Variants in SLTM observed in about 807,000 individuals in gnomAD.
SLTM encodes the protein SAFB like transcription modulator.
In SLTM, 43 loss-of-function variants were observed where a neutral mutation model predicts 134.6. The ratio of observed to expected loss-of-function variants is 0.32; its 90% CI spans 0.25 to 0.41. SLTM has a LOEUF of 0.41. Ranked by LOEUF, SLTM falls within the 10% of genes least tolerant of loss-of-function variation. The probability of loss-of-function intolerance (pLI) is 1.00; values close to 1 mark genes in which losing one functional copy is unlikely to be tolerated. For missense variants in SLTM, 1,055 were observed against 1,288.8 expected (o/e 0.82, Z 2.78); for synonymous variants, 424 against 432.3 (o/e 0.98, Z 0.24).
At position 58,899,213 on chromosome 15, in the gene SLTM, A is replaced by C. The variant is rs541780295; in HGVS notation, c.1058+256T>G. On this transcript the variant is annotated intron_variant, in intron 7 of 20. Coordinates refer to ENST00000380516, the MANE Select transcript of SLTM (RefSeq NM_024755.4). This position sits in a 1 kb window ranked among gnomAD's most constrained non-coding sequence, Gnocchi z 5.0. ...CACAAAAAAATTGTCAATTTGAAAA[A>C]AAAAAACAAAAAACAAAAAACAACA... The C allele has an allele frequency of 4.4e-4, 206 of 467,226 alleles. No individual in the cohort carries two copies. Among genetic ancestry groups the C allele is most frequent in the Non-Finnish European group, 3.2e-4 (85 of 268,296 alleles). 28.9% of individuals were successfully genotyped at this position (467,226 alleles called of 1,614,324 possible).
In SLTM at chr15:58,888,848, A is replaced by G. The variant is rs184286498; in HGVS notation, c.2205-293T>C. ...GGAGAAATGATACCATTAAATGGAA[A>G]AGACAAATAAAATACCTGAAACCAC... On this transcript the variant is annotated intron_variant, in intron 16 of 20. Transcript: ENST00000380516. 3.0e-3 allele frequency: 750 copies of G among 248,274 alleles called. 32 individuals are homozygous for G. In the Admixed American group the frequency reaches 0.033, roughly 11 times the overall value. 15.4% of individuals were successfully genotyped at this position (248,274 alleles called of 1,614,324 possible). A position where few individuals can be genotyped will look rare whatever the true frequency, so the allele number is the denominator to read the frequency against.
chr15:58,880,675 T>G (rs1204977496), intron 20 of SLTM, among the ~76,000 whole-genome samples: 1 of 152,182 alleles, frequency 6.6e-6, no homozygotes, highest in Non-Finnish European at 1.5e-5. Context: ...ATTCTCCCAC[T>G]TCAGCCAGCC....
intron 20 of SLTM, among the ~76,000 whole-genome samples, chr15:58,882,079 C>T (rs1261439887): frequency 1.3e-5 from 2 of 148,882 alleles, no homozygotes; most frequent in East Asian, 4.0e-4. Flanking sequence ...TGGTGGTGCA[C>T]GCCTGTATTC....
chr15:58,894,153 TTTTCTTTCTTCA>T lies in SLTM; in HGVS notation c.1406_1417del (p.Met469_Glu472del), dbSNP rs762642506. ...ACTTCTTGAACTACTCTTTTCATCA[TTTTCTTTCTTCA>T]TTTCTTTCTTAGAGGGATCACCTTT... On this transcript the variant is annotated inframe_deletion, in exon 11 of 21. Coordinates refer to ENST00000380516, the MANE Select transcript of SLTM (RefSeq NM_024755.4). 4 of 1,611,966 alleles carry T rather than the reference TTTTCTTTCTTCA, an allele frequency of 2.5e-6. No homozygotes were observed. The highest frequency in any genetic ancestry group is 3.4e-6 in the Non-Finnish European group (4 of 1,179,102).
chr15:58,928,635 A>G (rs1187149135), intron 2 of SLTM, among the ~76,000 whole-genome samples: 1 of 151,122 alleles, frequency 6.6e-6, no homozygotes, highest in Non-Finnish European at 1.5e-5. Flanking sequence ...TCATTTTAAC[A>G]TACATTTTTA....
intron 5 of SLTM, among the ~76,000 whole-genome samples, chr15:58,910,909 T>C (rs1331475165): frequency 1.3e-5 from 2 of 152,076 alleles, no homozygotes; most frequent in East Asian, 3.9e-4. Flanking sequence ...TAGGCCTGGC[T>C]AATTTTTTGT....
In SLTM at chr15:58,929,452, AAAAAG is replaced by A. The variant is rs1255290388; in HGVS notation, c.250+2899_250+2903del. Among the ~76,000 whole-genome samples the A allele has an allele frequency of 7.9e-5, 12 of 152,338 alleles. No individual in the cohort carries two copies. In the South Asian group the frequency reaches 8.3e-4, roughly 11 times the overall value. ...GACAAGAGCGAAACTCCATCTCAAA[AAAAAG>A]AAAAGAAAAGAAAAACGGACATCAC... On this transcript the variant is annotated intron_variant, in intron 2 of 20. Coordinates refer to ENST00000380516, the MANE Select transcript of SLTM (RefSeq NM_024755.4).
At chr15:58,906,569 TATG>T (rs1169940549) in intron 5 of SLTM, among the ~76,000 whole-genome samples, 2 of 152,232 alleles carry the variant, frequency 1.3e-5, no homozygotes, top group Non-Finnish European at 2.9e-5. Context: ...TAGGTTATCT[TATG>T]ATATCTGTAC....
intron 15 of SLTM, 115 bp from the exon 16 acceptor site, chr15:58,889,669 G>A: frequency 3.1e-6 from 4 of 1,304,352 alleles, no homozygotes; most frequent in Non-Finnish European, 4.2e-6. Context: ...CAAAGACCAG[G>A]CAAAACACAA....
chr15:58,930,458 C>T (rs2141255518), intron 2 of SLTM, among the ~76,000 whole-genome samples: 1 of 151,984 alleles, frequency 6.6e-6, no homozygotes, highest in Non-Finnish European at 1.5e-5. Context: ...TAACTGAATA[C>T]CTTAAGACCT....
At chr15:58,905,111 T>G (rs1473377975) in intron 5 of SLTM, among the ~76,000 whole-genome samples, 1 of 152,220 alleles carries the variant, frequency 6.6e-6, no homozygotes, top group African/African-American at 2.4e-5. Context: ...CCCAAAGTGC[T>G]GAGATTACAG....
At position 58,905,429 on chromosome 15, in the gene SLTM, G is replaced by A. The variant is rs567616849; in HGVS notation, c.562-4142C>T. Reference sequence around the variant, plus strand: ...TAAAGAATGCAACATGTGGCCAGGCGTGGTGGCTCATGCCTGTAATCTCAG... The same window carrying A: ...TAAAGAATGCAACATGTGGCCAGGCATGGTGGCTCATGCCTGTAATCTCAG... On this transcript the variant is annotated intron_variant, in intron 5 of 20. Coordinates refer to ENST00000380516, the MANE Select transcript of SLTM (RefSeq NM_024755.4). 1.3e-4 allele frequency among the ~76,000 whole-genome samples: 20 copies of A among 152,258 alleles called. No homozygotes were observed. In the East Asian group the frequency reaches 2.3e-3, roughly 18 times the overall value.
At chr15:58,884,502 G>A (rs1424014223) in intron 19 of SLTM, among the ~76,000 whole-genome samples, 1 of 151,958 alleles carries the variant, frequency 6.6e-6, no homozygotes, top group Non-Finnish European at 1.5e-5. Flanking sequence ...TATTTTTAGT[G>A]GAGACGGGGT....
intron 2 of SLTM, among the ~76,000 whole-genome samples, chr15:58,926,776 G>A (rs1211778495): frequency 1.3e-5 from 2 of 151,888 alleles, no homozygotes; most frequent in African/African-American, 4.8e-5. Flanking sequence ...ACCACACCTG[G>A]CTAATTTTTG....
Position 58,879,955 on chromosome 15 carries a change from A to G in SLTM, c.*44T>C. The stretch of plus-strand genomic sequence containing the variant: ...TAAGTAGTCAAGTAAAGTTTACAGG[A>G]GATTTCAATAAATTATCTTAAAACC... On this transcript the variant is annotated 3_prime_UTR_variant, in exon 21 of 21. Coordinates refer to ENST00000380516, the MANE Select transcript of SLTM (RefSeq NM_024755.4). 1 of 1,602,100 alleles carries G rather than the reference A, an allele frequency of 6.2e-7. No individual in the cohort carries two copies. The highest frequency in any genetic ancestry group is 1.1e-5 in the South Asian group (1 of 89,506).
chr15:58,933,522 C>T lies in SLTM; in HGVS notation c.44G>A (p.Gly15Asp), dbSNP rs758764837. 2 of 1,596,034 alleles carry T rather than the reference C, an allele frequency of 1.3e-6. No individual in the cohort carries two copies. Among genetic ancestry groups the T allele is most frequent in the Non-Finnish European group, 1.7e-6 (2 of 1,172,528 alleles). Residue 15 changes from glycine (G) to aspartate (D), a missense_variant, in exon 1 of 21, where the codon GGT becomes GAT. By Grantham distance (94) the Gly-to-Asp change is moderately conservative. This residue lies in a region of SLTM where 268 missense variants were observed against 284.3 expected (regional missense o/e 0.94). Coordinates refer to ENST00000380516, the MANE Select transcript of SLTM (RefSeq NM_024755.4). Reference protein sequence around the residue: ...TGAVAASAASGQAEGKKITDL... With the variant: ...TGAVAASAASDQAEGKKITDL... ...GGTGATCTTTTTACCTTCCGCCTGACCCGAGGCGGCCGAGGCTGCCACCGC... is the reference window on the plus strand; with the variant it reads ...GGTGATCTTTTTACCTTCCGCCTGATCCGAGGCGGCCGAGGCTGCCACCGC...
chr15:58,925,591 A>G (rs4775099), intron 2 of SLTM, among the ~76,000 whole-genome samples: 145,355 of 152,240 alleles, frequency 0.95, 69,722 homozygotes, highest in Non-Finnish European at 1. Context: ...ACCCGCCTCC[A>G]CCTCCCAAAG....
chr15:58,886,256 TGTGTGTGTG>T (rs750338074), intron 19 of SLTM, among the ~76,000 whole-genome samples: 1 of 147,416 alleles, frequency 6.8e-6, no homozygotes, highest in Admixed American at 6.7e-5. Context: ...TGTGTGTGTG[TGTGTGTGTG>T]TATTTTTTTT....
At chr15:58,926,072 A>C (rs1347434555) in intron 2 of SLTM, among the ~76,000 whole-genome samples, 1 of 152,218 alleles carries the variant, frequency 6.6e-6, no homozygotes, top group African/African-American at 2.4e-5. Flanking sequence ...GGGAGCTTTT[A>C]GAAAATACAT....
Sources: allele counts gnomAD v4.1 joint callset (sites outside exome capture counted in the v4.1 genomes callset), GRCh38; gene constraint gnomAD v4.1.1; regional missense constraint gnomAD v4.1.1; non-coding constraint Gnocchi (gnomAD v3.1); transcripts MANE v1.5; gene names NCBI Gene and HGNC (gene_info 2026-07-23, HGNC 2026-07-21).